Variants in ERC2 observed in about 807,000 individuals in gnomAD.
ERC2 encodes ERC protein 2.
In ERC2, 42 loss-of-function variants were observed where a neutral mutation model predicts 114.8. That is an observed-to-expected ratio of 0.37 (90% CI 0.29 to 0.47). The LOEUF (loss-of-function observed/expected upper bound fraction) is 0.47, where lower values mean the gene tolerates loss of function less well. Among genes scored for constraint, ERC2 ranks in the 20% least tolerant of loss-of-function variants. The pLI is 0.99. For missense variants in ERC2, 939 were observed against 1,150.7 expected, an observed-to-expected ratio of 0.82 and a Z score of 2.66; for synonymous variants, 454 against 425.5, an observed-to-expected ratio of 1.07 and a Z score of -0.82.
intron 14 of ERC2, among the ~76,000 whole-genome samples, chr3:55,816,235 C>T (rs1320727952): frequency 6.6e-6 from 1 of 152,214 alleles, no homozygotes; most frequent in Non-Finnish European, 1.5e-5. Context: ...CTTTCCTAGT[C>T]TCCCTACTAC....
chr3:55,563,048 A>G (rs954931741), intron 17 of ERC2, among the ~76,000 whole-genome samples: 1 of 152,214 alleles, frequency 6.6e-6, no homozygotes, highest in African/African-American at 2.4e-5. Context: ...ACAGAAGGTC[A>G]AAGAAACACA....
At chr3:56,241,136 AT>A (rs1368059292) in intron 3 of ERC2, among the ~76,000 whole-genome samples, 1 of 152,066 alleles carries the variant, frequency 6.6e-6, no homozygotes, top group Non-Finnish European at 1.5e-5. Flanking sequence ...CTCCATCCAT[AT>A]TGCTGTGAAA....
intron 15 of ERC2, among the ~76,000 whole-genome samples, chr3:55,724,867 C>G (rs1463470006): frequency 1.3e-5 from 2 of 152,196 alleles, no homozygotes; most frequent in Non-Finnish European, 2.9e-5. Flanking sequence ...ACACACTCTA[C>G]TTTGGTGGTG....
intron 2 of ERC2, among the ~76,000 whole-genome samples, chr3:56,333,727 A>T (rs2057733672): frequency 6.6e-6 from 1 of 152,102 alleles, no homozygotes; most frequent in African/African-American, 2.4e-5. Context: ...GGAAAAAGGT[A>T]ATTTTTCAAT....
chr3:56,104,994 A>G (rs2078570909), intron 6 of ERC2, among the ~76,000 whole-genome samples: 1 of 152,046 alleles, frequency 6.6e-6, no homozygotes, highest in Non-Finnish European at 1.5e-5. Flanking sequence ...GTCTCCACTG[A>G]GAAGGTGACA....
At chr3:56,155,919 A>T (rs2081691726) in intron 4 of ERC2, among the ~76,000 whole-genome samples, 1 of 152,180 alleles carries the variant, frequency 6.6e-6, no homozygotes, top group African/African-American at 2.4e-5. Flanking sequence ...TTAGCTGCTG[A>T]GGAGTTGGAA....
At chr3:56,224,802 C>A (rs1235070298) in intron 3 of ERC2, among the ~76,000 whole-genome samples, 1 of 152,120 alleles carries the variant, frequency 6.6e-6, no homozygotes, top group African/African-American at 2.4e-5. Flanking sequence ...AGATACTAAT[C>A]AAAATAAGTA....
intron 4 of ERC2, among the ~76,000 whole-genome samples, chr3:56,157,423 T>A (rs992100916): frequency 1.3e-5 from 2 of 152,190 alleles, no homozygotes; most frequent in Middle Eastern, 3.2e-3. Context: ...ATGTCATCTT[T>A]CATGTACATC....
At chr3:55,973,458 C>T (rs144417057) in intron 12 of ERC2, among the ~76,000 whole-genome samples, 7 of 152,348 alleles carry the variant, frequency 4.6e-5, no homozygotes, top group African/African-American at 1.7e-4. Context: ...CTTTCTAAAA[C>T]ACAATCCTGT....
intron 3 of ERC2, among the ~76,000 whole-genome samples, chr3:56,182,730 C>T (rs1044798865): frequency 6.6e-5 from 10 of 152,196 alleles, no homozygotes; most frequent in African/African-American, 2.2e-4. Flanking sequence ...ACACTGCCCC[C>T]GTTTCACCAC....
At chr3:56,097,616 T>C (rs1343646748) in intron 6 of ERC2, among the ~76,000 whole-genome samples, 1 of 152,178 alleles carries the variant, frequency 6.6e-6, no homozygotes, top group African/African-American at 2.4e-5. Flanking sequence ...AGAGAAATCA[T>C]AACTTAACTG....
intron 2 of ERC2, among the ~76,000 whole-genome samples, chr3:56,370,620 A>G (rs1442792158): frequency 1.5e-5 from 2 of 135,820 alleles, no homozygotes; most frequent in African/African-American, 5.6e-5. Context: ...TTTGAGACAG[A>G]GTCTTGCTTT....
chr3:55,847,404 T>TATGCGAGGGCTTG (rs1170296675), intron 14 of ERC2, among the ~76,000 whole-genome samples: 1 of 152,218 alleles, frequency 6.6e-6, no homozygotes, highest in Admixed American at 6.5e-5. Flanking sequence ...TTCATAGTCA[T>TATGCGAGGGCTTG]ATGCGAGGGC....
At chr3:55,887,421 C>T (rs927410196) in intron 14 of ERC2, among the ~76,000 whole-genome samples, 1 of 152,102 alleles carries the variant, frequency 6.6e-6, no homozygotes, top group Non-Finnish European at 1.5e-5. Context: ...CTTGCTGGGT[C>T]ACGATAAGGT....
At position 56,175,287 on chromosome 3, in the gene ERC2, C is replaced by T. The variant is rs1354036032; in HGVS notation, c.1075-1767G>A. 2.6e-5 allele frequency among the ~76,000 whole-genome samples: 4 copies of T among 152,202 alleles called. No individual in the cohort carries two copies. In the East Asian group the frequency reaches 5.8e-4, roughly 22 times the overall value. On this transcript the variant is annotated intron_variant, in intron 3 of 17. Coordinates refer to ENST00000288221, the MANE Select transcript of ERC2 (RefSeq NM_015576.3). ...CCTGTACAAAGCTCTTTCTCAACCT[C>T]CAATTTGAGAACTATACTTCCTAAC...
At chr3:56,350,146 C>T (rs957486489) in intron 2 of ERC2, among the ~76,000 whole-genome samples, 7 of 152,152 alleles carry the variant, frequency 4.6e-5, no homozygotes, top group African/African-American at 1.7e-4. Context: ...ATTTGGGGGA[C>T]AGGAGGTGGA....
At chr3:56,085,220 A>T (rs1164760987) in intron 6 of ERC2, among the ~76,000 whole-genome samples, 2 of 152,176 alleles carry the variant, frequency 1.3e-5, no homozygotes, top group African/African-American at 4.8e-5. Context: ...AGAAAGGGGT[A>T]CCTAAGTTGT....
intron 2 of ERC2, among the ~76,000 whole-genome samples, chr3:56,407,462 C>A (rs1366402183): frequency 6.6e-6 from 1 of 152,182 alleles, no homozygotes; most frequent in East Asian, 1.9e-4. Context: ...GATTTCTAGA[C>A]CCCACACTGG....
Position 55,989,169 on chromosome 3 carries a change from G to C in ERC2, c.2255+2888C>G, listed in dbSNP as rs540755923. Among the ~76,000 whole-genome samples the C allele has an allele frequency of 2.0e-5, 3 of 152,320 alleles. No homozygotes were observed. The South Asian group carries it at 6.2e-4, about 32-fold the overall frequency. ...GTTTTATGAATTACAGTGCCTGGGAGGCATCAGCTTTAAGGGGAGGCAAAG... is the reference window on the plus strand; with the variant it reads ...GTTTTATGAATTACAGTGCCTGGGACGCATCAGCTTTAAGGGGAGGCAAAG... On this transcript the variant is annotated intron_variant, in intron 11 of 17. Transcript: ENST00000288221.
Sources: gnomAD v4.1 joint callset for allele counts (sites outside exome capture counted in the v4.1 genomes callset) on GRCh38, gnomAD v4.1.1 for gene constraint, MANE v1.5 for transcripts, NCBI Gene and HGNC (gene_info 2026-07-23, HGNC 2026-07-21) for gene names.